Variants in NDUFA5 observed in about 807,000 individuals in gnomAD.
The protein encoded by NDUFA5 is NADH dehydrogenase [ubiquinone] 1 alpha subcomplex subunit 5.
In NDUFA5, 11 loss-of-function variants were observed where a neutral mutation model predicts 19.8. That is an observed-to-expected ratio of 0.56 (90% confidence interval 0.35 to 0.92). The LOEUF is 0.92. Among genes scored for constraint, NDUFA5 ranks in the 40% least tolerant of loss-of-function variants. The pLI is 0.01. For missense variants in NDUFA5, 109 were observed against 134.2 expected (o/e 0.81, Z 0.93); for synonymous variants, 47 against 46.8 (o/e 1.00, Z -0.01).
the NDUFA5 span, among the ~76,000 whole-genome samples, chr7:123,585,856 C>T: frequency 4.6e-5 from 7 of 151,906 alleles, no homozygotes; most frequent in African/African-American, 1.7e-4. Flanking sequence ...TAGCTTATTT[C>T]ACCTACTATA....
rs1158095653 is a variant in NDUFA5, at chr7:123,538,812, T to A, written c.*3307A>T. 1 of 152,220 alleles carries A rather than the reference T, an allele frequency of 6.6e-6. No homozygotes were observed. Among genetic ancestry groups the A allele is most frequent in the South Asian group, 2.1e-4 (1 of 4,836 alleles). 9.4% of individuals were successfully genotyped at this position (152,220 alleles called of 1,614,324 possible). ...ACACTTGTGTAGGGTGTTAGACTTC[T>A]GTATGTTTACATAATCATAGAGGAT... On this transcript the variant is annotated 3_prime_UTR_variant, in exon 5 of 5. Coordinates refer to ENST00000355749, the MANE Select transcript of NDUFA5 (RefSeq NM_005000.5).
At position 123,537,340 on chromosome 7, in the gene NDUFA5, T is replaced by A. The variant is rs1797782668; in HGVS notation, c.*4779A>T. On this transcript the variant is annotated 3_prime_UTR_variant, in exon 5 of 5. Transcript: ENST00000355749. ...AATGAATAATGAATATTTTTAATATTAAAATAATTTAGAAAACTAAGGACC... is the reference window on the plus strand; with the variant it reads ...AATGAATAATGAATATTTTTAATATAAAAATAATTTAGAAAACTAAGGACC... 2 of 152,288 alleles carry A rather than the reference T, an allele frequency of 1.3e-5. No individual in the cohort carries two copies. Among genetic ancestry groups the A allele is most frequent in the African/African-American group, 4.8e-5 (2 of 41,576 alleles). The allele number at this position is 152,288 out of a possible 1,614,324, so 9.4% of individuals were successfully genotyped here.
chr7:123,559,936 T>C (rs998315838), upstream of NDUFA5, among the ~76,000 whole-genome samples: 3 of 146,676 alleles, frequency 2.0e-5, no homozygotes, highest in African/African-American at 7.6e-5. Flanking sequence ...CACAAAATAC[T>C]CAGAAAAGTA....
chr7:123,564,892 G>GACACACAC, the NDUFA5 span, among the ~76,000 whole-genome samples: 1,671 of 147,658 alleles, frequency 0.011, 26 homozygotes, highest in African/African-American at 0.038. Context: ...GAAGCATCTG[G>GACACACAC]ACACACACAC....
the NDUFA5 span, among the ~76,000 whole-genome samples, chr7:123,594,283 A>G: frequency 7.9e-5 from 12 of 152,058 alleles, no homozygotes; most frequent in African/African-American, 2.7e-4. Flanking sequence ...ACTTCTGTCA[A>G]CTCGTCAAAC....
chr7:123,560,468 T>G (rs1798674549), upstream of NDUFA5, among the ~76,000 whole-genome samples: 1 of 152,164 alleles, frequency 6.6e-6, no homozygotes, highest in Non-Finnish European at 1.5e-5. Context: ...TTAAAACAAA[T>G]AACTTCAGCA....
chr7:123,566,356 T>G, the NDUFA5 span, among the ~76,000 whole-genome samples: 1 of 152,296 alleles, frequency 6.6e-6, no homozygotes, highest in Non-Finnish European at 1.5e-5. Flanking sequence ...GCCTCCAGAA[T>G]TGTGAGATAA....
chr7:123,593,076 G>A, the NDUFA5 span, among the ~76,000 whole-genome samples: 11 of 152,148 alleles, frequency 7.2e-5, no homozygotes, highest in Middle Eastern at 3.4e-3. Flanking sequence ...TGTTTTATCA[G>A]AGACCAGGAT....
At chr7:123,556,708 G>A (rs1798561217) in intron 2 of NDUFA5, 1 of 395,234 alleles carries the variant, frequency 2.5e-6, no homozygotes, top group Non-Finnish European at 4.8e-6. Flanking sequence ...TGAAAAGAGC[G>A]TGATGGAAAA....
the NDUFA5 span, among the ~76,000 whole-genome samples, chr7:123,584,583 A>G: frequency 3.3e-5 from 5 of 151,986 alleles, no homozygotes; most frequent in African/African-American, 1.2e-4. Context: ...GTTTTCAACC[A>G]CTCAACATGA....
At chr7:123,556,335 A>T (rs1252064787) in intron 2 of NDUFA5, 1 of 152,396 alleles carries the variant, frequency 6.6e-6, no homozygotes, top group Non-Finnish European at 1.5e-5. Flanking sequence ...ATAAAGGAAG[A>T]GGTCAGTGCT....
chr7:123,551,545 ATTT>A, intron 2 of NDUFA5: 3 of 855,702 alleles, frequency 3.5e-6, no homozygotes, highest in South Asian at 5.3e-5. Context: ...AGCACTGCAA[ATTT>A]TTTTTTTTAA....
the NDUFA5 span, among the ~76,000 whole-genome samples, chr7:123,565,931 A>T: frequency 6.6e-6 from 1 of 151,928 alleles, no homozygotes; most frequent in African/African-American, 2.4e-5. Context: ...AGACAGGGGA[A>T]TTGCTTGAAC....
chr7:123,578,882 A>C, the NDUFA5 span, among the ~76,000 whole-genome samples: 2 of 152,134 alleles, frequency 1.3e-5, no homozygotes, highest in Admixed American at 6.6e-5. Context: ...TAAACCTATG[A>C]CAATGTAATT....
the NDUFA5 span, among the ~76,000 whole-genome samples, chr7:123,593,901 C>G: frequency 6.6e-6 from 1 of 152,196 alleles, no homozygotes; most frequent in Non-Finnish European, 1.5e-5. Context: ...TTCTCCCCGT[C>G]ACTTTCAGGT....
At chr7:123,598,362 A>G in the NDUFA5 span, among the ~76,000 whole-genome samples, 45,569 of 152,026 alleles carry the variant, frequency 0.3, 6,976 homozygotes, top group East Asian at 0.4. Context: ...GATATCTCTA[A>G]ATGATTTGTC....
chr7:123,583,393 C>G, the NDUFA5 span, among the ~76,000 whole-genome samples: 1 of 151,766 alleles, frequency 6.6e-6, no homozygotes, highest in Non-Finnish European at 1.5e-5. Flanking sequence ...TGAAGTGTAG[C>G]AAATTTCTAA....
the NDUFA5 span, among the ~76,000 whole-genome samples, chr7:123,590,621 A>G: frequency 2.6e-5 from 4 of 152,196 alleles, no homozygotes; most frequent in African/African-American, 9.7e-5. Flanking sequence ...GTCAAAGATC[A>G]GATGGTTATA....
chr7:123,592,329 T>C, the NDUFA5 span, among the ~76,000 whole-genome samples: 1 of 152,226 alleles, frequency 6.6e-6, no homozygotes, highest in Non-Finnish European at 1.5e-5. Context: ...TTCTGCTAGC[T>C]TTTGAATTTG....
Sources: allele counts gnomAD v4.1 joint callset (sites outside exome capture counted in the v4.1 genomes callset), GRCh38; gene constraint gnomAD v4.1.1; transcripts MANE v1.5; gene names NCBI Gene and HGNC (gene_info 2026-07-23, HGNC 2026-07-21).